Variants in LEO1 observed in about 807,000 individuals in gnomAD.
LEO1 encodes the protein RNA polymerase-associated protein LEO1.
LEO1 carries 34 observed loss-of-function variants against 80.4 expected under a neutral mutation model. That is an observed-to-expected ratio of 0.42 (90% confidence interval 0.32 to 0.56). The LOEUF is 0.56. Ranked by LOEUF, LEO1 falls within the 20% of genes least tolerant of loss-of-function variation. LEO1 has a pLI of 0.10. For missense variants in LEO1, 631 were observed against 814.2 expected, an observed-to-expected ratio of 0.77 and a Z score of 2.74; for synonymous variants, 262 against 274.9, an observed-to-expected ratio of 0.95 and a Z score of 0.46.
chr15:51,969,812 G>A (rs2057108247), intron 1 of LEO1, among the ~76,000 whole-genome samples: 1 of 132,424 alleles, frequency 7.6e-6, no homozygotes, highest in Non-Finnish European at 1.5e-5. Flanking sequence ...CTGCACTGCA[G>A]CCTGGGAGAC....
Position 51,947,355 on chromosome 15 carries a change from A to G in LEO1, c.1833T>C (p.Asp611=). The G allele has an allele frequency of 6.2e-7, 1 of 1,613,286 alleles. No homozygotes were observed. Among genetic ancestry groups the G allele is most frequent in the Non-Finnish European group, 8.5e-7 (1 of 1,179,658 alleles). ...GAGCTTTATCTTCTTCTGATCCCTC[A>G]TCACTGTCTGATGAATAGATTCTGG... The part of the protein sequence containing the change: ...ERARIYSSDS[D]EGSEEDKAQR... Residue 611 remains aspartate (D), a synonymous_variant, in exon 11 of 12, where the codon GAT becomes GAC. Transcript: ENST00000299601.
At chr15:51,939,016 C>T (rs1428550699) in intron 11 of LEO1, among the ~76,000 whole-genome samples, 2 of 152,132 alleles carry the variant, frequency 1.3e-5, no homozygotes, top group African/African-American at 4.8e-5. Flanking sequence ...AAAACTCCAT[C>T]TCTACTAAAA....
chr15:51,969,000 G>A (rs142644537), intron 1 of LEO1, among the ~76,000 whole-genome samples: 42 of 152,116 alleles, frequency 2.8e-4, no homozygotes, highest in African/African-American at 2.7e-4. Flanking sequence ...ACAGAGTCTC[G>A]CTCTATCCTT....
chr15:51,943,455 A>C (rs981339440), intron 11 of LEO1, among the ~76,000 whole-genome samples: 3 of 151,910 alleles, frequency 2.0e-5, no homozygotes, highest in Admixed American at 6.6e-5. Context: ...TAATCCCAGC[A>C]CTTTGGGAGG....
At chr15:51,951,642 C>A (rs1192803313) in intron 9 of LEO1, among the ~76,000 whole-genome samples, 1 of 152,170 alleles carries the variant, frequency 6.6e-6, no homozygotes, top group African/African-American at 2.4e-5. Context: ...GAAGAGAGAA[C>A]CTGAGCCCTG....
intron 10 of LEO1, among the ~76,000 whole-genome samples, chr15:51,949,272 A>G (rs1369506064): frequency 6.6e-6 from 1 of 152,246 alleles, no homozygotes; most frequent in Non-Finnish European, 1.5e-5. Flanking sequence ...CAAAAGTTCC[A>G]GTATAACTGG....
chr15:51,957,441 G>A (rs1219770429), intron 6 of LEO1, among the ~76,000 whole-genome samples: 1 of 152,112 alleles, frequency 6.6e-6, no homozygotes, highest in Non-Finnish European at 1.5e-5. Context: ...ATGAGTAGAT[G>A]GGTGGTGGAG....
chr15:51,957,313 G>C (rs1261344475), intron 6 of LEO1, among the ~76,000 whole-genome samples: 1 of 152,166 alleles, frequency 6.6e-6, no homozygotes, highest in Non-Finnish European at 1.5e-5. Flanking sequence ...ACAATGAAAA[G>C]TAGTAGAATT....
intron 11 of LEO1, among the ~76,000 whole-genome samples, chr15:51,938,939 C>CTT (rs963520271): frequency 4.6e-5 from 7 of 152,172 alleles, no homozygotes; most frequent in South Asian, 2.1e-4. Flanking sequence ...AATCCCAGCA[C>CTT]TTTGGGAGGC....
chr15:51,949,699 CA>C (rs11387025), intron 10 of LEO1, 108 bp downstream of exon 10: 47,513 of 702,282 alleles, frequency 0.068, no homozygotes, highest in East Asian at 0.093. Flanking sequence ...GACTCCGTCT[CA>C]AAAAAAAAAA....
At chr15:51,959,748 T>G in intron 5 of LEO1, 151 bp downstream of exon 5, 1 of 608,058 alleles carries the variant, frequency 1.6e-6, no homozygotes, top group South Asian at 2.7e-5. Flanking sequence ...ACATATTTTT[T>G]CTATCTCAGG....
chr15:51,967,652 A>G (rs2141782928), intron 1 of LEO1, among the ~76,000 whole-genome samples: 1 of 152,332 alleles, frequency 6.6e-6, no homozygotes, highest in South Asian at 2.1e-4. Context: ...AAAGAGAAGC[A>G]GTTCATCCCA....
Position 51,966,373 on chromosome 15 carries a change from C to A in LEO1, c.190G>T (p.Asp64Tyr), listed in dbSNP as rs138450382. 1.1e-4 allele frequency: 181 copies of A among 1,614,108 alleles called. No individual in the cohort carries two copies. The African/African-American group carries it at 2.2e-3, about 19-fold the overall frequency. Residue 64 changes from aspartate (D) to tyrosine (Y), a missense_variant, in exon 2 of 12, where the codon GAT becomes TAT. By Grantham distance (160) the Asp-to-Tyr change is radical. Around this residue, in one of 4 missense-constraint regions of LEO1, gnomAD observed 394 missense variants for 395.6 expected, o/e 1.00. Coordinates refer to ENST00000299601, the MANE Select transcript of LEO1 (RefSeq NM_138792.4). Reference sequence around the variant, plus strand: ...GAAGCTCCCTCGTCCTCACTGTCATCTCCAAACAGTTCCTTATTACTTGGT... The same window carrying A: ...GAAGCTCCCTCGTCCTCACTGTCATATCCAAACAGTTCCTTATTACTTGGT... ...GQPSNKELFGDDSEDEGASHH... is the reference protein window; with the variant it reads ...GQPSNKELFGYDSEDEGASHH...
intron 11 of LEO1, among the ~76,000 whole-genome samples, chr15:51,945,262 C>CAAAAAAAAAAAAAAAAAAAAAAAAAAAA (rs71130110): frequency 3.7e-5 from 3 of 80,362 alleles, no homozygotes; most frequent in Admixed American, 1.7e-4. Context: ...ACAAAAAATA[C>CAAAAAAAAAAAAAAAAAAAAAAAAAAAA]AAAAAAAAAA....
chr15:51,963,061 G>T (rs954409033), intron 2 of LEO1, among the ~76,000 whole-genome samples: 1 of 152,072 alleles, frequency 6.6e-6, no homozygotes, highest in African/African-American at 2.4e-5. Flanking sequence ...TGGATCACTT[G>T]AGGTCAGGAA....
intron 6 of LEO1, among the ~76,000 whole-genome samples, chr15:51,956,981 C>G (rs1034760177): frequency 1.3e-5 from 2 of 152,088 alleles, no homozygotes; most frequent in Non-Finnish European, 2.9e-5. Context: ...CATGCGCCAT[C>G]TCTGCTGGCT....
intron 6 of LEO1, among the ~76,000 whole-genome samples, chr15:51,955,285 A>ACAGAGC (rs112349996): frequency 0.013 from 1,925 of 152,274 alleles, 44 homozygotes; most frequent in African/African-American, 0.045. Flanking sequence ...AAGTTCTCTC[A>ACAGAGC]CAGAGCTAAA....
intron 11 of LEO1, among the ~76,000 whole-genome samples, chr15:51,941,033 G>A (rs1391101866): frequency 3.3e-5 from 5 of 151,732 alleles, no homozygotes; most frequent in South Asian, 4.2e-4. Context: ...AGATCGCGGC[G>A]CTGCACTCCA....
chr15:51,965,195 G>C (rs761610311), intron 2 of LEO1, among the ~76,000 whole-genome samples: 1 of 152,168 alleles, frequency 6.6e-6, no homozygotes, highest in Admixed American at 6.6e-5. Flanking sequence ...TGATCCTCTT[G>C]AAACAATTTT....
Sources: allele counts gnomAD v4.1 joint callset (sites outside exome capture counted in the v4.1 genomes callset), GRCh38; gene constraint gnomAD v4.1.1; regional missense constraint gnomAD v4.1.1; transcripts MANE v1.5; gene names NCBI Gene and HGNC (gene_info 2026-07-23, HGNC 2026-07-21).